The following WDPCP variants were observed in gnomAD, a reference collection of about 807,000 sequenced individuals.
WDPCP encodes the protein WD repeat-containing and planar cell polarity effector protein fritz homolog.
In WDPCP, 71 loss-of-function variants were observed where a neutral mutation model predicts 93.1. That is an observed-to-expected ratio of 0.76 (90% CI 0.63 to 0.93). The LOEUF is 0.93. Ranked by LOEUF, WDPCP falls within the 40% of genes least tolerant of loss-of-function variation. The pLI, the probability that WDPCP is intolerant of heterozygous loss-of-function variation, is 0.00. For synonymous variants in WDPCP, 315 were observed against 315.0 expected (o/e 1.00, Z 0.00); for missense variants, 844 against 887.4 (o/e 0.95, Z 0.62).
At chr2:63,571,473 C>A in intron 1 of WDPCP, 1 of 468,410 alleles carries the variant, frequency 2.1e-6, no homozygotes, top group South Asian at 1.6e-5. Context: ...CAGTGAAGGT[C>A]TGCTGGCAAC....
chr2:63,566,741 T>A, intron 1 of WDPCP, among the ~76,000 whole-genome samples: 1 of 152,190 alleles, frequency 6.6e-6, no homozygotes, highest in East Asian at 1.9e-4. Flanking sequence ...CTCTACAGGT[T>A]TAAGAGCTCA....
intron 10 of WDPCP, among the ~76,000 whole-genome samples, chr2:63,399,149 T>TA (rs1693962674): frequency 6.6e-6 from 1 of 152,220 alleles, no homozygotes; most frequent in South Asian, 2.1e-4. Flanking sequence ...ACAGTTTCCC[T>TA]ATTCTATAAA....
chr2:63,605,370 G>A lies in WDPCP; in HGVS notation n.488+45289C>T, dbSNP rs116232314. ...AAAAGCCATCTGTGACCACGTCAGGGACATCTGGTTTGGAACCCCAGAGGT... is the reference window on the plus strand; with the variant it reads ...AAAAGCCATCTGTGACCACGTCAGGAACATCTGGTTTGGAACCCCAGAGGT... On this transcript the variant is annotated intron_variant and non_coding_transcript_variant, in intron 3 of 4. Coordinates refer to the WDPCP transcript ENST00000467687. 2.4e-4 allele frequency: 391 copies of A among 1,614,088 alleles called. No individual in the cohort carries two copies. The highest frequency in any genetic ancestry group is 3.2e-4 in the Non-Finnish European group (372 of 1,179,932).
chr2:63,326,279 T>G (rs1687530224), intron 12 of WDPCP, among the ~76,000 whole-genome samples: 1 of 152,154 alleles, frequency 6.6e-6, no homozygotes, highest in South Asian at 2.1e-4. Flanking sequence ...TAGTCCAGAC[T>G]TATGCCGCCC....
At chr2:63,699,200 T>C (rs1669009360) in intron 2 of WDPCP, among the ~76,000 whole-genome samples, 1 of 152,094 alleles carries the variant, frequency 6.6e-6, no homozygotes. Context: ...CCATCCATGG[T>C]TGTAGGTCTC....
intron 17 of WDPCP, among the ~76,000 whole-genome samples, chr2:63,132,981 A>G (rs571887974): frequency 3.9e-5 from 6 of 152,362 alleles, no homozygotes; most frequent in African/African-American, 9.6e-5. Flanking sequence ...AAAGAAAAAC[A>G]GCTACTTCTC....
chr2:63,304,906 G>A (rs1192179959), intron 13 of WDPCP, among the ~76,000 whole-genome samples: 1 of 152,080 alleles, frequency 6.6e-6, no homozygotes. Context: ...CGAGCCTGGT[G>A]GGGAGAGCGG....
At chr2:63,175,992 T>C (rs1229675597) in intron 14 of WDPCP, among the ~76,000 whole-genome samples, 1 of 152,180 alleles carries the variant, frequency 6.6e-6, no homozygotes, top group Non-Finnish European at 1.5e-5. Flanking sequence ...TTTAAATTTT[T>C]GAGGAAATGC....
At chr2:63,627,543 C>T (rs1270107004) in intron 3 of WDPCP, among the ~76,000 whole-genome samples, 2 of 152,038 alleles carry the variant, frequency 1.3e-5, no homozygotes, top group Non-Finnish European at 2.9e-5. Flanking sequence ...GCCCGACCTG[C>T]CCCCCATCTT....
At chr2:63,765,644 A>G (rs1030269327) in intron 2 of WDPCP, among the ~76,000 whole-genome samples, 1 of 152,200 alleles carries the variant, frequency 6.6e-6, no homozygotes, top group African/African-American at 2.4e-5. Context: ...TCCCAAAGAC[A>G]TGGATTCAAT....
intron 13 of WDPCP, among the ~76,000 whole-genome samples, chr2:63,268,323 T>C (rs1391208338): frequency 6.6e-6 from 1 of 152,034 alleles, no homozygotes; most frequent in Non-Finnish European, 1.5e-5. Flanking sequence ...GAGGTGATAG[T>C]GGTGGGGAAA....
At chr2:63,468,537 T>C (rs911358314) in intron 6 of WDPCP, among the ~76,000 whole-genome samples, 2 of 152,210 alleles carry the variant, frequency 1.3e-5, no homozygotes, top group Non-Finnish European at 2.9e-5. Context: ...ACATGATATG[T>C]TAGTTAGAAA....
chr2:63,755,116 T>A (rs1199651665), intron 2 of WDPCP, among the ~76,000 whole-genome samples: 1 of 152,170 alleles, frequency 6.6e-6, no homozygotes, highest in Admixed American at 6.5e-5. Flanking sequence ...GAAAGTAATC[T>A]AAGAGAACAA....
chr2:63,412,406 G>T (rs530432459), intron 9 of WDPCP, among the ~76,000 whole-genome samples: 1 of 152,086 alleles, frequency 6.6e-6, no homozygotes, highest in Non-Finnish European at 1.5e-5. Flanking sequence ...ATCTATGACA[G>T]TCCCACAGCC....
At chr2:63,808,896 G>A (rs1201410606) in intron 2 of WDPCP, among the ~76,000 whole-genome samples, 1 of 151,836 alleles carries the variant, frequency 6.6e-6, no homozygotes, top group African/African-American at 2.4e-5. Context: ...TAGGAAATGA[G>A]GAGCGCCTCT....
At chr2:63,839,108 T>C in the WDPCP span, among the ~76,000 whole-genome samples, 1 of 152,186 alleles carries the variant, frequency 6.6e-6, no homozygotes, top group Non-Finnish European at 1.5e-5. Context: ...CAACAACCTT[T>C]GGTACTATAT....
rs36004139 is a variant in WDPCP, at chr2:63,598,933, T to C, written n.488+51726A>G. ...AAAAAAAGATATATGGGAGTCAGTC[T>C]CTGTAATATGGTTGTAACTTTTCTA... On this transcript the variant is annotated intron_variant and non_coding_transcript_variant, in intron 3 of 4. Coordinates refer to the WDPCP transcript ENST00000467687. 2.1e-3 allele frequency among the ~76,000 whole-genome samples: 321 copies of C among 151,572 alleles called. 1 individual carries two copies. Among genetic ancestry groups the C allele is most frequent in the African/African-American group, 6.9e-3 (287 of 41,472 alleles).
chr2:63,586,905 A>C (rs1708878798), intron 1 of WDPCP, among the ~76,000 whole-genome samples: 1 of 152,236 alleles, frequency 6.6e-6, no homozygotes, highest in Non-Finnish European at 1.5e-5. Context: ...TTTAAGTTCT[A>C]GGGTACATGT....
intron 2 of WDPCP, among the ~76,000 whole-genome samples, chr2:63,790,549 T>C (rs543781669): frequency 1.3e-5 from 2 of 152,124 alleles, no homozygotes; most frequent in African/African-American, 2.4e-5. Context: ...CTGAATCCCA[T>C]AGTATTGGGC....
Sources: gnomAD v4.1 joint callset for allele counts (sites outside exome capture counted in the v4.1 genomes callset) on GRCh38, gnomAD v4.1.1 for gene constraint, MANE v1.5 for transcripts, NCBI Gene and HGNC (gene_info 2026-07-23, HGNC 2026-07-21) for gene names.